Variants in PZP observed in about 807,000 individuals in gnomAD.
PZP encodes pregnancy zone protein.
A neutral mutation model predicts 179.8 loss-of-function variants in PZP; 150 were observed. The observed-to-expected ratio is 0.83, with a 90% confidence interval of 0.73 to 0.96. PZP has a LOEUF of 0.96. Ranked by LOEUF, PZP falls within the 40% of genes least tolerant of loss-of-function variation. The pLI is 0.00. For synonymous variants in PZP, 624 were observed against 652.3 expected (o/e 0.96, Z 0.66); for missense variants, 1,689 against 1,764.0 (o/e 0.96, Z 0.76).
At chr12:9,158,957 TTTAACTC>T (rs1333163535) in intron 25 of PZP, among the ~76,000 whole-genome samples, 3 of 152,164 alleles carry the variant, frequency 2.0e-5, no homozygotes, top group African/African-American at 7.2e-5. Flanking sequence ...TTTCTGTAGT[TTTAACTC>T]TAATCAGCTA....
intron 10 of PZP, among the ~76,000 whole-genome samples, chr12:9,196,053 T>C (rs1943755168): frequency 6.6e-6 from 1 of 152,126 alleles, no homozygotes; most frequent in African/African-American, 2.4e-5. Context: ...CTAAACTGCA[T>C]GAAAGAAGAG....
chr12:9,151,686 G>C lies in PZP; in HGVS notation c.4213-14C>G, dbSNP rs747348687. 1.9e-6 allele frequency: 3 copies of C among 1,609,440 alleles called. No homozygotes were observed. Among genetic ancestry groups the C allele is most frequent in the Non-Finnish European group, 2.6e-6 (3 of 1,176,264 alleles). ...AGATCTTTCAAGCTGGAGAGAATTA[G>C]AAAACTTCAGTTAAAGTTAGAGAAC... is the stretch of plus-strand genomic sequence containing the variant. On this transcript the variant is annotated splice_polypyrimidine_tract_variant and intron_variant, in intron 32 of 35. Coordinates refer to ENST00000261336, the MANE Select transcript of PZP (RefSeq NM_002864.3).
intron 35 of PZP, among the ~76,000 whole-genome samples, chr12:9,149,291 G>A (rs1324690229): frequency 6.6e-6 from 1 of 152,228 alleles, no homozygotes; most frequent in Non-Finnish European, 1.5e-5. Context: ...GTTGAAGGAA[G>A]CCCAATTAGC....
At chr12:9,194,363 A>C in intron 10 of PZP, 125 bp from the exon 11 acceptor site, 1 of 765,858 alleles carries the variant, frequency 1.3e-6, no homozygotes, top group Non-Finnish European at 2.0e-6. Context: ...ACCCCACCAA[A>C]CCTTCATATT....
rs190070200 is a variant in PZP, at chr12:9,195,443, C to G, written c.1092+887G>C. ...TTTTCCTTCTTTTCCTTTTCCTTCC[C>G]CTTTCCTTCTTTTCTTTTCTTTCAC... On this transcript the variant is annotated intron_variant, in intron 10 of 35. Transcript: ENST00000261336. Among the ~76,000 whole-genome samples the G allele has an allele frequency of 2.0e-3, 301 of 150,798 alleles. 2 individuals are homozygous for G. Among genetic ancestry groups the G allele is most frequent in the Middle Eastern group, 0.01 (3 of 294 alleles).
At chr12:9,153,071 T>C in intron 30 of PZP, 54 bp downstream of exon 30, 1 of 1,607,586 alleles carries the variant, frequency 6.2e-7, no homozygotes, top group East Asian at 2.2e-5. Context: ...AGAGTTTCCA[T>C]TTCAATTGGC....
chr12:9,154,782 T>G lies in PZP; in HGVS notation c.3608A>C (p.Tyr1203Ser). ...CTCAGCAGAGGGAGCCTGGGTTTGG[T>G]AAAGATGCCCCACTGGTGCCTTGGG... Reference protein sequence around the residue: ...QRPKAPVGHLYQTQAPSAEVE... With the variant: ...QRPKAPVGHLSQTQAPSAEVE... The change falls in exon 29 of 36, where the codon TAC becomes TCC. Residue 1203 changes from tyrosine (Y) to serine (S), a missense_variant. Around this residue, in one of 3 missense-constraint regions of PZP, gnomAD observed 746 missense variants for 749.2 expected, o/e 1.00. Transcript: ENST00000261336. The G allele has an allele frequency of 6.2e-7, 1 of 1,614,004 alleles. No individual in the cohort carries two copies. Among genetic ancestry groups the G allele is most frequent in the Non-Finnish European group, 8.5e-7 (1 of 1,179,982 alleles).
Position 9,163,720 on chromosome 12 carries a change from T to C in PZP, c.2684A>G (p.Glu895Gly), listed in dbSNP as rs1941384633. The stretch of plus-strand genomic sequence containing the variant: ...GTCTTTTCTTTTAATCTCAGGGACC[T>C]CAACAACCTCATTTCCACAGAGTTC... ...SLELCGNEVVEVPEIKRKDTV... is the reference protein window; with the variant it reads ...SLELCGNEVVGVPEIKRKDTV... Residue 895 changes from glutamate to glycine, a missense_variant, in exon 21 of 36, where the codon GAG becomes GGG. Transcript: ENST00000261336. The C allele has an allele frequency of 3.7e-6, 6 of 1,613,950 alleles. No homozygotes were observed. The highest frequency in any genetic ancestry group is 4.2e-6 in the Non-Finnish European group (5 of 1,179,878).
At chr12:9,186,812 G>A (rs1279814041) in intron 13 of PZP, among the ~76,000 whole-genome samples, 1 of 147,492 alleles carries the variant, frequency 6.8e-6, no homozygotes, top group Non-Finnish European at 1.5e-5. Context: ...GAGAACACAT[G>A]GACACAGGGA....
intron 16 of PZP, 44 bp downstream of exon 16, chr12:9,169,386 A>G: frequency 1.3e-6 from 2 of 1,491,944 alleles, no homozygotes; most frequent in Non-Finnish European, 1.8e-6. Flanking sequence ...ATTAACATTC[A>G]AAAACTCACA....
In PZP at chr12:9,160,348, C is replaced by T; in HGVS notation, c.3015G>A (p.Glu1005=). 1.2e-6 allele frequency: 2 copies of T among 1,614,100 alleles called. No individual in the cohort carries two copies. The highest frequency in any genetic ancestry group is 1.7e-6 in the Non-Finnish European group (2 of 1,179,994). Residue 1005 remains glutamate (E), a synonymous_variant, in exon 24 of 36, where the codon GAG becomes GAA. Transcript: ENST00000261336. ...GATAGCCAACGGCCTTGGCCTTGAT[C>T]TCCTGCGTCAGCTGCTGGGTTTCAT... is the stretch of plus-strand genomic sequence containing the variant. The part of the protein sequence containing the change: ...YLNETQQLTQ[E]IKAKAVGYLI...
chr12:9,176,990 G>C (rs868811884), intron 15 of PZP, among the ~76,000 whole-genome samples: 2 of 152,192 alleles, frequency 1.3e-5, no homozygotes, highest in Admixed American at 1.3e-4. Context: ...TCAGAGAGAG[G>C]ATCGAGTATA....
chr12:9,201,473 C>A, intron 4 of PZP, 126 bp from the exon 5 acceptor site: 2 of 692,084 alleles, frequency 2.9e-6, no homozygotes, highest in Non-Finnish European at 4.9e-6. Context: ...AGAAACATAA[C>A]AGAACTGGAA....
chr12:9,163,938 T>A (rs1417148511), intron 20 of PZP, 149 bp from the exon 21 acceptor site: 5 of 1,247,254 alleles, frequency 4.0e-6, no homozygotes, highest in African/African-American at 3.0e-5. Flanking sequence ...AAGTAGCCAA[T>A]GTCCAAGATA....
intron 15 of PZP, among the ~76,000 whole-genome samples, chr12:9,172,727 AGAAGG>A (rs1373283285): frequency 2.0e-5 from 3 of 152,242 alleles, no homozygotes; most frequent in African/African-American, 7.2e-5. Flanking sequence ...AAACAAACAA[AGAAGG>A]GTAGTATATA....
intron 10 of PZP, 52 bp downstream of exon 10, chr12:9,196,278 G>A (rs1277397473): frequency 3.1e-6 from 4 of 1,282,340 alleles, no homozygotes; most frequent in South Asian, 2.5e-5. Context: ...TGTGTCCTGT[G>A]CTTAGGTGCA....
At chr12:9,149,484 A>C in intron 35 of PZP, 77 bp downstream of exon 35, 5 of 1,397,870 alleles carry the variant, frequency 3.6e-6, no homozygotes, top group Non-Finnish European at 4.9e-6. Flanking sequence ...AAAGCCTTGT[A>C]GAGAATTTAA....
intron 7 of PZP, among the ~76,000 whole-genome samples, chr12:9,198,761 A>C (rs1053085535): frequency 6.6e-6 from 1 of 152,214 alleles, no homozygotes; most frequent in Admixed American, 6.5e-5. Flanking sequence ...TCAAATAAAA[A>C]GATAGAATCA....
At chr12:9,156,065 G>C in intron 28 of PZP, 1 of 218,930 alleles carries the variant, frequency 4.6e-6, no homozygotes, top group Non-Finnish European at 9.4e-6. Context: ...AGATTAGAAA[G>C]AGTGTGCTTG....
Sources: gnomAD v4.1 joint callset for allele counts (sites outside exome capture counted in the v4.1 genomes callset) on GRCh38, gnomAD v4.1.1 for gene constraint, gnomAD v4.1.1 regional missense constraint, MANE v1.5 for transcripts, NCBI Gene and HGNC (gene_info 2026-07-23, HGNC 2026-07-21) for gene names.